MYRIP: variants seen among roughly 807,000 people sequenced by gnomAD.
MYRIP encodes the protein rab effector MyRIP.
Under a neutral mutation model 98.0 loss-of-function variants are expected in MYRIP, and 49 were observed. That is an observed-to-expected ratio of 0.50 (90% CI 0.40 to 0.63). MYRIP has a LOEUF of 0.63. Among genes scored for constraint, MYRIP ranks in the 30% least tolerant of loss-of-function variants. The pLI is 0.00. For synonymous variants in MYRIP, 404 were observed against 409.5 expected (o/e 0.99, Z 0.16); for missense variants, 1,004 against 1,058.2 (o/e 0.95, Z 0.71).
intron 2 of MYRIP, among the ~76,000 whole-genome samples, chr3:39,909,888 T>TTTG (rs1553644546): frequency 0.44 from 67,155 of 151,498 alleles, 15,121 homozygotes; most frequent in East Asian, 0.53. Flanking sequence ...CGTTCTTTTT[T>TTTG]TTTGTTTGTT....
At chr3:40,063,194 G>A (rs1948053999) in intron 3 of MYRIP, among the ~76,000 whole-genome samples, 1 of 152,180 alleles carries the variant, frequency 6.6e-6, no homozygotes, top group Non-Finnish European at 1.5e-5. Flanking sequence ...GATTAAAGAA[G>A]ACTAAGGAGA....
intron 2 of MYRIP, among the ~76,000 whole-genome samples, chr3:39,951,663 T>C (rs1035111433): frequency 6.6e-6 from 1 of 152,146 alleles, no homozygotes; most frequent in African/African-American, 2.4e-5. Flanking sequence ...TTGTTTTTTT[T>C]CCAACCATTA....
chr3:39,889,602 T>C (rs547041092), intron 1 of MYRIP, among the ~76,000 whole-genome samples: 184 of 152,226 alleles, frequency 1.2e-3, no homozygotes, highest in African/African-American at 3.2e-3. Context: ...GTGGGTGCAG[T>C]GCACCAGCAT....
intron 2 of MYRIP, among the ~76,000 whole-genome samples, chr3:40,042,308 AAGAG>A (rs1186469319): frequency 7.5e-6 from 1 of 132,524 alleles, no homozygotes; most frequent in Non-Finnish European, 1.7e-5. Flanking sequence ...AAAAAAAAAA[AAGAG>A]AGCCAACCTT....
intron 3 of MYRIP, among the ~76,000 whole-genome samples, chr3:40,137,658 C>T (rs1220810439): frequency 2.0e-5 from 3 of 152,084 alleles, no homozygotes; most frequent in Non-Finnish European, 4.4e-5. Flanking sequence ...AAACCAAATC[C>T]AGCAGCACGT....
intron 4 of MYRIP, among the ~76,000 whole-genome samples, chr3:40,155,362 G>A (rs1312761012): frequency 6.7e-6 from 1 of 150,286 alleles, no homozygotes; most frequent in Non-Finnish European, 1.5e-5. Flanking sequence ...TGGTGTATAT[G>A]TGCCACATTT....
intron 2 of MYRIP, among the ~76,000 whole-genome samples, chr3:40,025,410 T>A (rs1664155475): frequency 6.6e-6 from 1 of 152,132 alleles, no homozygotes; most frequent in South Asian, 2.1e-4. Flanking sequence ...TGTCTGAAAG[T>A]ACCTAATGGG....
intron 2 of MYRIP, among the ~76,000 whole-genome samples, chr3:39,977,295 G>GCC: frequency 6.6e-6 from 1 of 152,090 alleles, no homozygotes; most frequent in Non-Finnish European, 1.5e-5. Context: ...TTCAGGCCAG[G>GCC]CTCAGGCTTA....
At chr3:40,043,864 C>T (rs368208091) in intron 2 of MYRIP, among the ~76,000 whole-genome samples, 186 bp from the exon 3 acceptor site, 2 of 152,172 alleles carry the variant, frequency 1.3e-5, no homozygotes, top group Middle Eastern at 3.2e-3. Context: ...AACTAATCTA[C>T]GATTAATGTT....
intron 10 of MYRIP, among the ~76,000 whole-genome samples, chr3:40,203,556 T>G (rs1951630092): frequency 6.7e-6 from 1 of 149,438 alleles, no homozygotes; most frequent in Non-Finnish European, 1.5e-5. Context: ...GACTCTTGTT[T>G]AAGAAACTAT....
At chr3:39,949,621 CT>C (rs74660520) in intron 2 of MYRIP, among the ~76,000 whole-genome samples, 7,870 of 152,182 alleles carry the variant, frequency 0.052, 338 homozygotes, top group East Asian at 0.15. Flanking sequence ...CATAAACTGT[CT>C]TTCCAAAATA....
At chr3:39,954,888 A>G (rs1456751891) in intron 2 of MYRIP, among the ~76,000 whole-genome samples, 1 of 152,194 alleles carries the variant, frequency 6.6e-6, no homozygotes, top group Non-Finnish European at 1.5e-5. Flanking sequence ...CACAAGCTTC[A>G]GTAGCTGATT....
intron 1 of MYRIP, among the ~76,000 whole-genome samples, chr3:39,885,402 C>G (rs977564739): frequency 6.6e-6 from 1 of 152,016 alleles, no homozygotes; most frequent in African/African-American, 2.4e-5. Context: ...GAGGGTAACC[C>G]AACCTTTCTC....
intron 2 of MYRIP, among the ~76,000 whole-genome samples, chr3:39,967,238 C>G (rs573132028): frequency 1.3e-3 from 196 of 152,246 alleles, no homozygotes; most frequent in Non-Finnish European, 2.1e-3. Context: ...TCTTCTCCCT[C>G]TTCTCATCCT....
chr3:39,945,488 AAAAGAAAAAAG>A (rs1300245155), intron 2 of MYRIP, among the ~76,000 whole-genome samples: 8 of 131,870 alleles, frequency 6.1e-5, no homozygotes, highest in African/African-American at 2.0e-4. Context: ...AAAAAAAAAA[AAAAGAAAAAAG>A]AAAAAAAAAG....
At chr3:39,864,970 A>G (rs1942579179) in intron 1 of MYRIP, among the ~76,000 whole-genome samples, 1 of 152,186 alleles carries the variant, frequency 6.6e-6, no homozygotes, top group Non-Finnish European at 1.5e-5. Context: ...GACCAATGGA[A>G]TAGAATAAAG....
intron 3 of MYRIP, among the ~76,000 whole-genome samples, chr3:40,077,082 C>G (rs534373378): frequency 6.6e-6 from 1 of 152,014 alleles, no homozygotes; most frequent in African/African-American, 2.4e-5. Flanking sequence ...GGAGTTTGTT[C>G]CTTCTGATGT....
intron 11 of MYRIP, among the ~76,000 whole-genome samples, chr3:40,221,762 C>T (rs1952344731): frequency 6.6e-6 from 1 of 152,084 alleles, no homozygotes; most frequent in Non-Finnish European, 1.5e-5. Context: ...GTGTGCATAC[C>T]CTTTGATCTG....
chr3:40,246,185 G>A (rs142213559), intron 13 of MYRIP, among the ~76,000 whole-genome samples: 94 of 150,142 alleles, frequency 6.3e-4, no homozygotes, highest in African/African-American at 2.2e-3. Flanking sequence ...TTTTTTTTTC[G>A]GCCAAGATTT....
Sources: allele counts gnomAD v4.1 joint callset (sites outside exome capture counted in the v4.1 genomes callset), GRCh38; gene constraint gnomAD v4.1.1; transcripts MANE v1.5; gene names NCBI Gene and HGNC (gene_info 2026-07-23, HGNC 2026-07-21).